The following DYNC1I1 variants were observed in gnomAD, a reference collection of about 807,000 sequenced individuals.
The protein encoded by DYNC1I1 is dynein cytoplasmic 1 intermediate chain 1, also known as cytoplasmic dynein 1 intermediate chain 1.
In DYNC1I1, 43 loss-of-function variants were observed where a neutral mutation model predicts 86.6. The ratio of observed to expected loss-of-function variants is 0.50; its 90% CI spans 0.39 to 0.64. The LOEUF (loss-of-function observed/expected upper bound fraction) is 0.64. Among genes scored for constraint, DYNC1I1 ranks in the 30% least tolerant of loss-of-function variants. The pLI is 0.00. For missense variants in DYNC1I1, 604 were observed against 788.8 expected (o/e 0.77, Z 2.81); for synonymous variants, 262 against 283.7 (o/e 0.92, Z 0.77).
chr7:95,914,406 G>A (rs901850006), intron 6 of DYNC1I1, among the ~76,000 whole-genome samples: 1 of 152,164 alleles, frequency 6.6e-6, no homozygotes, highest in Non-Finnish European at 1.5e-5. Context: ...AATTTAAAAA[G>A]AAAGCTCAAA....
chr7:95,779,915 A>G (rs1177010242), intron 1 of DYNC1I1, among the ~76,000 whole-genome samples: 1 of 152,160 alleles, frequency 6.6e-6, no homozygotes, highest in Non-Finnish European at 1.5e-5. Flanking sequence ...AATCAGGATC[A>G]TGCAGAGCAT....
chr7:96,037,602 C>T (rs939359953), intron 13 of DYNC1I1, among the ~76,000 whole-genome samples: 2 of 151,046 alleles, frequency 1.3e-5, no homozygotes, highest in East Asian at 1.9e-4. Flanking sequence ...TGATTATCTA[C>T]GAAGGCTATA....
At chr7:96,065,378 C>CTTTTTTTTTTTTTTTTTTTTTTTTT (rs34423655) in intron 14 of DYNC1I1, among the ~76,000 whole-genome samples, 1 of 127,584 alleles carries the variant, frequency 7.8e-6, no homozygotes. Context: ...TTCTTTCTTT[C>CTTTTTTTTTTTTTTTTTTTTTTTTT]TTTTTTTTTT....
intron 10 of DYNC1I1, among the ~76,000 whole-genome samples, chr7:96,014,327 A>G (rs1478101099): frequency 1.3e-5 from 2 of 151,996 alleles, no homozygotes; most frequent in Non-Finnish European, 2.9e-5. Flanking sequence ...GAGTCTCCTG[A>G]CTCCCTTTTC....
At chr7:95,832,997 G>T (rs552110698) in intron 5 of DYNC1I1, among the ~76,000 whole-genome samples, 23 of 150,140 alleles carry the variant, frequency 1.5e-4, no homozygotes, top group African/African-American at 5.2e-4. Flanking sequence ...GTCAATTTTG[G>T]CTTTTGTTGC....
chr7:95,971,983 C>T (rs2115592133), intron 6 of DYNC1I1, among the ~76,000 whole-genome samples: 1 of 152,240 alleles, frequency 6.6e-6, no homozygotes, highest in African/African-American at 2.4e-5. Flanking sequence ...AGCAGAGCAT[C>T]AAGGGCTCTG....
intron 14 of DYNC1I1, among the ~76,000 whole-genome samples, chr7:96,065,733 T>C (rs1424446457): frequency 6.6e-6 from 1 of 152,156 alleles, no homozygotes; most frequent in African/African-American, 2.4e-5. Flanking sequence ...ACTGATTCTT[T>C]AGTGTGGACT....
chr7:96,038,759 G>A (rs189884168), intron 13 of DYNC1I1, among the ~76,000 whole-genome samples: 99 of 152,196 alleles, frequency 6.5e-4, no homozygotes, highest in Non-Finnish European at 1.1e-3. Flanking sequence ...TCCACAAAGT[G>A]TTACATTTTC....
chr7:95,830,420 A>G (rs1457807931), intron 5 of DYNC1I1, among the ~76,000 whole-genome samples: 3 of 152,018 alleles, frequency 2.0e-5, no homozygotes, highest in Non-Finnish European at 4.4e-5. Flanking sequence ...CTATCACTAT[A>G]CCTTAGTTTG....
Position 95,977,591 on chromosome 7 carries a change from A to T in DYNC1I1, c.570A>T (p.Glu190Asp), listed in dbSNP as rs779940439. 3.7e-6 allele frequency: 6 copies of T among 1,612,932 alleles called. No individual in the cohort carries two copies. In the Admixed American group the frequency reaches 6.7e-5, roughly 18 times the overall value. The part of the protein sequence containing the change: ...SELENQDKKQ[E>D]VKEAPPRELT... ...TGGAAAATCAGGACAAAAAACAGGA[A>T]GTGAAGGAAGGTATGATATGGAAAA... is the stretch of plus-strand genomic sequence containing the variant. The change falls in exon 7 of 17, where the codon GAA (glutamate) becomes GAT (aspartate). Residue 190 changes from glutamate (E) to aspartate (D), a missense_variant. Coordinates refer to ENST00000447467, the MANE Select transcript of DYNC1I1 (RefSeq NM_001135556.2).
intron 5 of DYNC1I1, among the ~76,000 whole-genome samples, chr7:95,862,716 G>C (rs1192951110): frequency 2.6e-5 from 4 of 152,126 alleles, no homozygotes; most frequent in African/African-American, 9.7e-5. Context: ...ATGTATTCAA[G>C]ATAATTGAAA....
At chr7:96,057,589 G>A (rs989235155) in intron 14 of DYNC1I1, among the ~76,000 whole-genome samples, 1 of 152,108 alleles carries the variant, frequency 6.6e-6, no homozygotes, top group Non-Finnish European at 1.5e-5. Flanking sequence ...AACAATTATT[G>A]TAATAATTTT....
At chr7:95,854,828 G>A (rs1039592871) in intron 5 of DYNC1I1, among the ~76,000 whole-genome samples, 9 of 152,098 alleles carry the variant, frequency 5.9e-5, no homozygotes, top group East Asian at 3.9e-4. Context: ...AAATAGTGAC[G>A]TACAGAAAAT....
chr7:96,084,442 C>CTTTTTT (rs11369815), intron 16 of DYNC1I1, among the ~76,000 whole-genome samples: 74 of 124,666 alleles, frequency 5.9e-4, no homozygotes, highest in East Asian at 1.2e-3. Context: ...TTTTTCTTTT[C>CTTTTTT]TTTTTTTTTT....
At chr7:95,862,884 A>C (rs1789923954) in intron 5 of DYNC1I1, among the ~76,000 whole-genome samples, 1 of 152,246 alleles carries the variant, frequency 6.6e-6, no homozygotes, top group South Asian at 2.1e-4. Context: ...CCTCCTGTAT[A>C]AATTAAAACA....
chr7:95,869,128 G>A (rs1264327250), intron 5 of DYNC1I1, among the ~76,000 whole-genome samples: 1 of 152,142 alleles, frequency 6.6e-6, no homozygotes, highest in Non-Finnish European at 1.5e-5. Context: ...TCTGTAAAAT[G>A]GAGATTATAA....
chr7:95,903,452 A>G (rs1011481591), intron 6 of DYNC1I1, among the ~76,000 whole-genome samples: 1 of 152,204 alleles, frequency 6.6e-6, no homozygotes, highest in Non-Finnish European at 1.5e-5. Flanking sequence ...ACAGTAATCC[A>G]TGCCAAGGAC....
chr7:96,080,161 G>C (rs1398764757), intron 15 of DYNC1I1, among the ~76,000 whole-genome samples: 1 of 152,086 alleles, frequency 6.6e-6, no homozygotes, highest in Non-Finnish European at 1.5e-5. Flanking sequence ...TTGTTAAAGT[G>C]TCTCTTCTCT....
At chr7:95,978,379 G>T (rs1347884965) in intron 7 of DYNC1I1, among the ~76,000 whole-genome samples, 1 of 152,112 alleles carries the variant, frequency 6.6e-6, no homozygotes, top group Non-Finnish European at 1.5e-5. Context: ...AAAAAGAAAA[G>T]AAAAGGAGGG....
Sources: allele counts gnomAD v4.1 joint callset (sites outside exome capture counted in the v4.1 genomes callset), GRCh38; gene constraint gnomAD v4.1.1; transcripts MANE v1.5; gene names NCBI Gene and HGNC (gene_info 2026-07-23, HGNC 2026-07-21).